Variants in DIO2 observed in about 807,000 individuals in gnomAD.
DIO2 encodes iodothyronine deiodinase 2.
In DIO2, 19 loss-of-function variants were observed where a neutral mutation model predicts 21.4. The observed-to-expected ratio is 0.89, with a 90% CI of 0.62 to 1.30. DIO2 has a LOEUF of 1.30. Among genes scored for constraint, DIO2 ranks in the 50% most tolerant of loss-of-function variants. The probability of loss-of-function intolerance (pLI) is 0.00; values close to 1 mark genes in which losing one functional copy is unlikely to be tolerated. For missense variants in DIO2, 302 were observed against 338.1 expected, an observed-to-expected ratio of 0.89 and a Z score of 0.84; for synonymous variants, 122 against 132.9, an observed-to-expected ratio of 0.92 and a Z score of 0.57.
At chr14:80,230,657 C>T in intron 2 of DIO2, among the ~76,000 whole-genome samples, 1 of 152,148 alleles carries the variant, frequency 6.6e-6, no homozygotes, top group East Asian at 1.9e-4. Context: ...TTGCATAACT[C>T]TCTAAACAGT....
chr14:80,200,018 A>G lies in DIO2; in HGVS notation c.*2671T>C, dbSNP rs1195225746. ...TCAGATAAAGCATTGATTTTCCTCT[A>G]CCTCAAAATAATGAGTTCTTGTTAA... On this transcript the variant is annotated 3_prime_UTR_variant, in exon 2 of 2. Coordinates refer to ENST00000438257, the MANE Select transcript of DIO2 (RefSeq NM_013989.5). 2 of 152,622 alleles carry G rather than the reference A, an allele frequency of 1.3e-5. No homozygotes were observed. The highest frequency in any genetic ancestry group is 4.8e-5 in the African/African-American group (2 of 41,454). The allele number at this position is 152,622 out of a possible 1,614,324, so 9.5% of individuals were successfully genotyped here. A position where few individuals can be genotyped will look rare whatever the true frequency, so the allele number is the denominator to read the frequency against.
Position 80,200,500 on chromosome 14 carries a change from G to A in DIO2, c.*2189C>T, listed in dbSNP as rs78436270. ...AAAGGGGAATTTTAAGGACAACAGT[G>A]TGAATGTGCTGCAACCAGGTTTTTT... On this transcript the variant is annotated 3_prime_UTR_variant, in exon 2 of 2. Transcript: ENST00000438257. The A allele has an allele frequency of 1.3e-5, 2 of 152,390 alleles. No homozygotes were observed. The highest frequency in any genetic ancestry group is 6.5e-5 in the Admixed American group (1 of 15,268). The allele number at this position is 152,390 out of a possible 1,614,324, so 9.4% of individuals were successfully genotyped here.
At position 80,227,629 on chromosome 14, in the gene DIO2, C is replaced by T. The variant is rs1035704287; in HGVS notation, c.-277-10892G>A. Among the ~76,000 whole-genome samples, 4 of 152,216 alleles carry T rather than the reference C, an allele frequency of 2.6e-5. No individual in the cohort carries two copies. The East Asian group carries it at 7.7e-4, about 29-fold the overall frequency. On this transcript the variant is annotated intron_variant, in intron 2 of 4. Transcript: ENST00000553594. Reference sequence around the variant, plus strand: ...CTCTGCTGTGATTCACCTATGAGGGCCTGCCAAAGGCTCCAAACAGCATCT... The same window carrying T: ...CTCTGCTGTGATTCACCTATGAGGGTCTGCCAAAGGCTCCAAACAGCATCT...
At chr14:80,221,883 A>G (rs142607784) in intron 2 of DIO2, among the ~76,000 whole-genome samples, 5 of 152,328 alleles carry the variant, frequency 3.3e-5, no homozygotes, top group Non-Finnish European at 7.4e-5. Context: ...TCCTACAAGT[A>G]ATAATCTCTT....
chr14:80,209,025 G>A (rs1387855085), intron 1 of DIO2, among the ~76,000 whole-genome samples: 1 of 151,912 alleles, frequency 6.6e-6, no homozygotes, highest in Non-Finnish European at 1.5e-5. Context: ...TACAGAATAG[G>A]AATATACAAA....
Position 80,220,040 on chromosome 14 carries a change from TTGTG to T in DIO2, c.-277-3307_-277-3304del, listed in dbSNP as rs10553303. 1.9e-3 allele frequency among the ~76,000 whole-genome samples: 283 copies of T among 149,798 alleles called. 2 individuals carry two copies. Among genetic ancestry groups the T allele is most frequent in the African/African-American group, 5.9e-3 (240 of 40,878 alleles). ...GAAAGAAGTTTGTTACAATCTTGTT[TTGTG>T]TGTGTGTGTGTGTGTGTGTGTTTTG... On this transcript the variant is annotated intron_variant, in intron 2 of 4. Coordinates refer to the DIO2 transcript ENST00000553594.
intron 1 of DIO2, 74 bp from the exon 2 acceptor site, chr14:80,203,362 A>G: frequency 1.4e-6 from 2 of 1,438,110 alleles, no homozygotes; most frequent in Non-Finnish European, 9.2e-7. Context: ...TGCCACTTGA[A>G]TTCACATTAA....
upstream of DIO2, among the ~76,000 whole-genome samples, chr14:80,215,496 A>C (rs1315797923): frequency 6.6e-6 from 1 of 152,210 alleles, no homozygotes; most frequent in African/African-American, 2.4e-5. Flanking sequence ...AAAGAGCAGA[A>C]GAGCATCCAG....
In DIO2 at chr14:80,200,039, G is replaced by C. The variant is rs1252187010; in HGVS notation, c.*2650C>G. On this transcript the variant is annotated 3_prime_UTR_variant, in exon 2 of 2. Transcript: ENST00000438257. ...CTCTACCTCAAAATAATGAGTTCTT[G>C]TTAATTTCATAAAAGAATACATCAC... 6.6e-6 allele frequency: 1 copy of C among 152,492 alleles called. No individual in the cohort carries two copies. The highest frequency in any genetic ancestry group is 1.5e-5 in the Non-Finnish European group (1 of 68,006). 9.4% of individuals were successfully genotyped at this position (152,492 alleles called of 1,614,324 possible).
chr14:80,201,907 G>A lies in DIO2; in HGVS notation c.*782C>T, dbSNP rs775078183. ...TTGTGTATGTTTCTATGTTTCCGTG[G>A]CTAACAAATGTGACCCACTCTCTAC... On this transcript the variant is annotated 3_prime_UTR_variant, in exon 2 of 2. Transcript: ENST00000438257. The A allele has an allele frequency of 4.3e-4, 66 of 154,688 alleles. No homozygotes were observed. The highest frequency in any genetic ancestry group is 8.3e-4 in the Non-Finnish European group (58 of 69,994). The allele number at this position is 154,688 out of a possible 1,614,324, so 9.6% of individuals were successfully genotyped here. A position where few individuals can be genotyped will look rare whatever the true frequency, so the allele number is the denominator to read the frequency against.
chr14:80,209,291 T>C (rs559030191), intron 1 of DIO2, among the ~76,000 whole-genome samples: 1 of 152,232 alleles, frequency 6.6e-6, no homozygotes, highest in Non-Finnish European at 1.5e-5. Flanking sequence ...ATGTTTTTCT[T>C]AATGAAACAT....
At chr14:80,209,282 T>C (rs887979888) in intron 1 of DIO2, among the ~76,000 whole-genome samples, 2 of 152,156 alleles carry the variant, frequency 1.3e-5, no homozygotes, top group Non-Finnish European at 2.9e-5. Context: ...CTGTTTTTCA[T>C]GTTTTTCTTA....
In DIO2 at chr14:80,198,135, GC is replaced by G. The variant is rs1887554801; in HGVS notation, c.*4553del. On this transcript the variant is annotated 3_prime_UTR_variant, in exon 2 of 2. Transcript: ENST00000438257. ...CTTTCATTTATGTGTTTACCTGTTG[GC>G]TTTTTGAGGGGAGGGGGAGAAGTGG... 6.6e-6 allele frequency: 1 copy of G among 152,534 alleles called. No individual in the cohort carries two copies. The highest frequency in any genetic ancestry group is 2.1e-4 in the South Asian group (1 of 4,816). 9.4% of individuals were successfully genotyped at this position (152,534 alleles called of 1,614,324 possible).
At chr14:80,216,413 AAT>A (rs142693560), upstream of DIO2, among the ~76,000 whole-genome samples, 20,751 of 152,032 alleles carry the variant, frequency 0.14, 1,782 homozygotes, top group East Asian at 0.3. Context: ...AGGAGACAAC[AAT>A]ATACTTCACT....
At position 80,202,314 on chromosome 14, in the gene DIO2, T is replaced by C. The variant is rs749347283; in HGVS notation, c.*375A>G. 9.4e-6 allele frequency: 5 copies of C among 530,558 alleles called. No homozygotes were observed. Among genetic ancestry groups the C allele is most frequent in the Non-Finnish European group, 1.5e-5 (4 of 268,016 alleles). The allele number at this position is 530,558 out of a possible 1,614,324, so 32.9% of individuals were successfully genotyped here. Reference sequence around the variant, plus strand: ...CAAGGCAATACCCTTTATCTTAACGTAGACAGTAGCTTCCCTAATGTAGTA... The same window carrying C: ...CAAGGCAATACCCTTTATCTTAACGCAGACAGTAGCTTCCCTAATGTAGTA... On this transcript the variant is annotated 3_prime_UTR_variant, in exon 2 of 2. Coordinates refer to ENST00000438257, the MANE Select transcript of DIO2 (RefSeq NM_013989.5).
chr14:80,224,939 G>A (rs1258060754), intron 2 of DIO2, among the ~76,000 whole-genome samples: 1 of 152,194 alleles, frequency 6.6e-6, no homozygotes, highest in East Asian at 1.9e-4. Flanking sequence ...GAGGAGAAAA[G>A]AGAGCCAGTC....
At chr14:80,216,084 C>G (rs781359175), upstream of DIO2, 1 of 152,260 alleles carries the variant, frequency 6.6e-6, no homozygotes, top group Non-Finnish European at 1.5e-5. Flanking sequence ...CAGACAGCAC[C>G]CATCCGAGTT....
At chr14:80,221,937 A>G (rs1315481325) in intron 2 of DIO2, among the ~76,000 whole-genome samples, 1 of 152,162 alleles carries the variant, frequency 6.6e-6, no homozygotes, top group East Asian at 1.9e-4. Context: ...CCATTCCAGA[A>G]CAATCCCAAG....
upstream of DIO2, among the ~76,000 whole-genome samples, chr14:80,215,509 A>G (rs1166874504): frequency 7.9e-5 from 12 of 152,230 alleles, no homozygotes; most frequent in Admixed American, 4.6e-4. Flanking sequence ...GCATCCAGAC[A>G]GTTCTGTCAT....
Sources: allele counts gnomAD v4.1 joint callset (sites outside exome capture counted in the v4.1 genomes callset), GRCh38; gene constraint gnomAD v4.1.1; transcripts MANE v1.5; gene names NCBI Gene and HGNC (gene_info 2026-07-23, HGNC 2026-07-21).